Variants in RPH3AL observed in about 807,000 individuals in gnomAD.
The protein encoded by RPH3AL is rab effector Noc2.
In RPH3AL, 38 loss-of-function variants were observed where a neutral mutation model predicts 43.1. That is an observed-to-expected ratio of 0.88 (90% confidence interval 0.68 to 1.15). The LOEUF is 1.15. Among genes scored for constraint, RPH3AL ranks in the 50% most tolerant of loss-of-function variants. The pLI is 0.00. For synonymous variants in RPH3AL, 189 were observed against 176.3 expected, an observed-to-expected ratio of 1.07 and a Z score of -0.57; for missense variants, 462 against 423.2, an observed-to-expected ratio of 1.09 and a Z score of -0.81.
chr17:311,004 A>G (rs1598068505), intron 5 of RPH3AL, among the ~76,000 whole-genome samples: 2 of 151,882 alleles, frequency 1.3e-5, no homozygotes, highest in South Asian at 2.1e-4. Context: ...AACGCAGTTC[A>G]TCTCCCGAAA....
intron 1 of RPH3AL, among the ~76,000 whole-genome samples, chr17:337,703 C>T (rs2044997300): frequency 6.6e-6 from 1 of 152,262 alleles, no homozygotes; most frequent in Non-Finnish European, 1.5e-5. Context: ...TCAACACACA[C>T]ACGCTGGGTG....
rs994005671 is a variant in RPH3AL at position 322,269 on chromosome 17, G to A, written c.78-854C>T. The A allele has an allele frequency of 6.6e-6, 1 of 152,388 alleles. No homozygotes were observed. Among genetic ancestry groups the A allele is most frequent in the Non-Finnish European group, 1.5e-5 (1 of 68,228 alleles). The allele number at this position is 152,388 out of a possible 1,614,324, so 9.4% of individuals were successfully genotyped here. On this transcript the variant is annotated intron_variant, in intron 3 of 9. Transcript: ENST00000331302. The surrounding 1 kb of genome is among the most constrained non-coding windows in gnomAD (Gnocchi z 4.0). ...TTCTATTTTTCTGGACAGGGAGAGAGTGGCAGCAGCAGATCAAACCCCGGA... is the reference window on the plus strand; with the variant it reads ...TTCTATTTTTCTGGACAGGGAGAGAATGGCAGCAGCAGATCAAACCCCGGA...
At chr17:337,615 G>T (rs1269462545) in intron 1 of RPH3AL, among the ~76,000 whole-genome samples, 1 of 152,168 alleles carries the variant, frequency 6.6e-6, no homozygotes, top group African/African-American at 2.4e-5. Flanking sequence ...ACCCCAACTT[G>T]GTCACAGAGC....
chr17:302,099 C>T (rs2043343466), intron 5 of RPH3AL, among the ~76,000 whole-genome samples: 1 of 152,222 alleles, frequency 6.6e-6, no homozygotes, highest in South Asian at 2.1e-4. Context: ...GAGCTGTGTC[C>T]CAGAGGCACA....
chr17:279,465 G>T (rs984718776), intron 6 of RPH3AL, among the ~76,000 whole-genome samples: 1 of 152,198 alleles, frequency 6.6e-6, no homozygotes, highest in African/African-American at 2.4e-5. Context: ...CCTTAGGAAA[G>T]ATAAGAAAAT....
At chr17:297,036 C>T (rs773418520) in intron 5 of RPH3AL, among the ~76,000 whole-genome samples, 3 of 152,186 alleles carry the variant, frequency 2.0e-5, no homozygotes, top group Non-Finnish European at 4.4e-5. Context: ...TCCATAGCCA[C>T]CCCTCTGCGG....
intron 5 of RPH3AL, among the ~76,000 whole-genome samples, chr17:317,205 C>T (rs74218146): frequency 6.7e-5 from 10 of 149,368 alleles, no homozygotes; most frequent in Admixed American, 6.7e-4. Context: ...AGTCCCTGTA[C>T]TCCACCTCCA....
intron 6 of RPH3AL, among the ~76,000 whole-genome samples, chr17:272,951 A>AGGGCGACGTCAGGGAGAGACCCCAGCG: frequency 3.4e-5 from 1 of 29,344 alleles, no homozygotes. Context: ...AGACCCCAGC[A>AGGGCGACGTCAGGGAGAGACCCCAGCG]AGGGCTACGT....
At chr17:307,423 C>G (rs545520170) in intron 5 of RPH3AL, among the ~76,000 whole-genome samples, 1 of 150,412 alleles carries the variant, frequency 6.6e-6, no homozygotes, top group Non-Finnish European at 1.5e-5. Context: ...GGCAGATCCT[C>G]CCCACGGCAG....
rs1357551526 is a variant in RPH3AL, at chr17:215,100, G to C, written c.876+554C>G. Among the ~76,000 whole-genome samples, 1 of 152,170 alleles carries C rather than the reference G, an allele frequency of 6.6e-6. No homozygotes were observed. Among genetic ancestry groups the C allele is most frequent in the Non-Finnish European group, 1.5e-5 (1 of 68,014 alleles). On this transcript the variant is annotated intron_variant, in intron 9 of 9. Coordinates refer to ENST00000331302, the MANE Select transcript of RPH3AL (RefSeq NM_006987.4). This position sits in a 1 kb window ranked among gnomAD's most constrained non-coding sequence, Gnocchi z 4.1. ...GCATGCGTGTACCCATGAATCCTCT[G>C]GCCAGGGAGGGGCCCAACCTGCCCA...
chr17:343,670 C>A (rs1372575711), intron 1 of RPH3AL, among the ~76,000 whole-genome samples: 1 of 152,114 alleles, frequency 6.6e-6, no homozygotes, highest in African/African-American at 2.4e-5. Context: ...GTGATTTTGT[C>A]CCCCAAGAGA....
At chr17:238,055 C>T (rs1427190669) in intron 7 of RPH3AL, among the ~76,000 whole-genome samples, 1 of 151,996 alleles carries the variant, frequency 6.6e-6, no homozygotes, top group Non-Finnish European at 1.5e-5. Context: ...GGGAGGATTG[C>T]TTGAGTCCGG....
chr17:317,059 C>T (rs1373457407), intron 5 of RPH3AL, among the ~76,000 whole-genome samples: 5 of 149,724 alleles, frequency 3.3e-5, no homozygotes, highest in Admixed American at 2.0e-4. Context: ...CTGTGCCCCA[C>T]CTCCACTGAC....
rs2045229900 is a variant in RPH3AL at position 345,887 on chromosome 17, C to T, written c.-213+6825G>A. 3.0e-5 allele frequency among the ~76,000 whole-genome samples: 4 copies of T among 135,142 alleles called. 2 individuals carry two copies. Among genetic ancestry groups the T allele is most frequent in the Non-Finnish European group, 3.4e-5 (2 of 59,278 alleles). 88.7% of individuals were successfully genotyped at this position (135,142 alleles called of 152,430 possible). A position where few individuals can be genotyped will look rare whatever the true frequency, so the allele number is the denominator to read the frequency against. ...CTGCTCCCCACCTGCACACACACCC[C>T]GACTTTGCACTGTAAGGACAAATGG... On this transcript the variant is annotated intron_variant, in intron 1 of 9. Transcript: ENST00000331302.
At position 213,449 on chromosome 17, in the gene RPH3AL, C is replaced by T. The variant is rs1023665991; in HGVS notation, c.*403G>A. 5.8e-5 allele frequency: 16 copies of T among 277,468 alleles called. No homozygotes were observed. Among genetic ancestry groups the T allele is most frequent in the African/African-American group, 2.3e-4 (10 of 44,144 alleles). The allele number at this position is 277,468 out of a possible 1,614,324, so 17.2% of individuals were successfully genotyped here. On this transcript the variant is annotated 3_prime_UTR_variant, in exon 10 of 10. Transcript: ENST00000331302. The stretch of plus-strand genomic sequence containing the variant: ...AGGGGCCACACGCAGCTTCGGAGGC[C>T]GTGCCCTAGGTTTCATTTAGTCTTG...
chr17:228,692 G>A (rs1327658343), intron 7 of RPH3AL, among the ~76,000 whole-genome samples: 1 of 152,266 alleles, frequency 6.6e-6, no homozygotes, highest in South Asian at 2.1e-4. Flanking sequence ...CCTTTCTATT[G>A]CCAGACACCC....
intron 7 of RPH3AL, among the ~76,000 whole-genome samples, chr17:232,898 T>C (rs2041265134): frequency 6.9e-6 from 1 of 144,262 alleles, no homozygotes; most frequent in Non-Finnish European, 1.5e-5. Flanking sequence ...TGGCTTCTAT[T>C]AGCTTTACAT....
chr17:265,174 C>T (rs1474333235), intron 6 of RPH3AL, among the ~76,000 whole-genome samples: 1 of 152,196 alleles, frequency 6.6e-6, no homozygotes, highest in Non-Finnish European at 1.5e-5. Flanking sequence ...GCAACCTCCA[C>T]CTCCGAGGCT....
chr17:259,126 G>A (rs2042141081), intron 6 of RPH3AL, among the ~76,000 whole-genome samples: 1 of 152,106 alleles, frequency 6.6e-6, no homozygotes, highest in Non-Finnish European at 1.5e-5. Context: ...ATTCTCTCCT[G>A]CTGTCACTGT....
Sources: gnomAD v4.1 joint callset for allele counts (sites outside exome capture counted in the v4.1 genomes callset) on GRCh38, gnomAD v4.1.1 for gene constraint, Gnocchi (gnomAD v3.1) non-coding constraint, MANE v1.5 for transcripts, NCBI Gene and HGNC (gene_info 2026-07-23, HGNC 2026-07-21) for gene names.